RFX3: variants seen among roughly 807,000 people sequenced by gnomAD.
The protein encoded by RFX3 is transcription factor RFX3.
Under a neutral mutation model 98.6 loss-of-function variants are expected in RFX3, and 14 were observed. The observed-to-expected ratio is 0.14, with a 90% CI of 0.09 to 0.22. The LOEUF (loss-of-function observed/expected upper bound fraction) is 0.22. RFX3 is among the 10% of genes least tolerant of loss of function. RFX3 has a pLI of 1.00. For synonymous variants in RFX3, 383 were observed against 328.4 expected, an observed-to-expected ratio of 1.17 and a Z score of -1.80; for missense variants, 639 against 926.9, an observed-to-expected ratio of 0.69 and a Z score of 4.03.
rs894339432 is a variant in RFX3, at chr9:3,477,183, T to C, written c.-9+48564A>G. Among the ~76,000 whole-genome samples, 20 of 152,200 alleles carry C rather than the reference T, an allele frequency of 1.3e-4. 2 individuals are homozygous for C. The highest frequency in any genetic ancestry group is 3.2e-3 in the Middle Eastern group (1 of 316). On this transcript the variant is annotated intron_variant, in intron 1 of 16. Coordinates refer to ENST00000617270, the MANE Select transcript of RFX3 (RefSeq NM_001282116.2). ...CAATACAGAATCACAATTTATACTATACAAAAGACATGGATTTAGAGCCTA... is the reference window on the plus strand; with the variant it reads ...CAATACAGAATCACAATTTATACTACACAAAAGACATGGATTTAGAGCCTA...
chr9:3,458,161 G>A (rs747463156), intron 1 of RFX3, among the ~76,000 whole-genome samples: 7 of 152,160 alleles, frequency 4.6e-5, no homozygotes, highest in Non-Finnish European at 1.5e-5. Context: ...GGTGCATGAA[G>A]TGTAATTCCA....
At chr9:3,355,729 C>A (rs1314656004) in intron 2 of RFX3, among the ~76,000 whole-genome samples, 4 of 151,808 alleles carry the variant, frequency 2.6e-5, no homozygotes, top group Non-Finnish European at 4.4e-5. Flanking sequence ...AACAGCAGAA[C>A]AGGCATGCTC....
At chr9:3,235,194 A>G (rs1021226330) in intron 15 of RFX3, among the ~76,000 whole-genome samples, 1 of 152,200 alleles carries the variant, frequency 6.6e-6, no homozygotes, top group African/African-American at 2.4e-5. Context: ...CTAACGGGAC[A>G]TTTGCTCCAA....
At chr9:3,231,662 A>G (rs972262121) in intron 15 of RFX3, among the ~76,000 whole-genome samples, 2 of 152,096 alleles carry the variant, frequency 1.3e-5, no homozygotes, top group African/African-American at 4.8e-5. Context: ...CAAGTCAAGC[A>G]GCAGGAAGGA....
chr9:3,496,186 G>A (rs927398562), intron 1 of RFX3, among the ~76,000 whole-genome samples: 3 of 151,888 alleles, frequency 2.0e-5, no homozygotes, highest in Non-Finnish European at 2.9e-5. Context: ...TATTTAATAC[G>A]AGCCTCGTTG....
intron 2 of RFX3, among the ~76,000 whole-genome samples, chr9:3,377,229 T>C (rs1352580282): frequency 6.6e-6 from 1 of 152,054 alleles, no homozygotes; most frequent in African/African-American, 2.4e-5. Context: ...ATTAAGAAAA[T>C]GTGGCACATA....
In RFX3 at chr9:3,473,181, A is replaced by C. The variant is rs117549633; in HGVS notation, c.-9+52566T>G. ...TCTCCACACATAATTGGATTTCCCA[A>C]ATCAAAGTAGGCACTATAAGCCAGG... On this transcript the variant is annotated intron_variant, in intron 1 of 16. Coordinates refer to ENST00000617270, the MANE Select transcript of RFX3 (RefSeq NM_001282116.2). 3.0e-4 allele frequency among the ~76,000 whole-genome samples: 45 copies of C among 152,308 alleles called. 1 individual carries two copies. The highest frequency in any genetic ancestry group is 5.4e-4 in the Non-Finnish European group (37 of 68,024).
In RFX3 at chr9:3,432,778, G is replaced by A. The variant is rs529824395; in HGVS notation, c.-8-37182C>T. ...AGTTAAATTAGACAATATGGCAGAA[G>A]GGTTCCAATTACTCAAGATAGCTTT... On this transcript the variant is annotated intron_variant, in intron 1 of 16. Coordinates refer to ENST00000617270, the MANE Select transcript of RFX3 (RefSeq NM_001282116.2). Among the ~76,000 whole-genome samples, 4 of 152,240 alleles carry A rather than the reference G, an allele frequency of 2.6e-5. No individual in the cohort carries two copies. The South Asian group carries it at 8.3e-4, about 32-fold the overall frequency.
rs1252023599 is a variant in RFX3 at position 3,248,137 on chromosome 9, G to A, written c.1863C>T (p.Gly621=). ...AGAGTAGACGGATCAGGTGGAAGGA[G>A]CCAAAGCTAGCAGCACTGCGTAAGG... ...DLTLRSAASF[G]SFHLIRLLYD... is the part of the protein sequence containing the mutation. Residue 621 remains glycine (G), a synonymous_variant, in exon 15 of 17, where the codon GGC becomes GGT. Transcript: ENST00000617270. 1 of 1,613,576 alleles carries A rather than the reference G, an allele frequency of 6.2e-7. No homozygotes were observed. Among genetic ancestry groups the A allele is most frequent in the Non-Finnish European group, 8.5e-7 (1 of 1,179,848 alleles).
chr9:3,509,881 T>C (rs1817497620), intron 1 of RFX3, among the ~76,000 whole-genome samples: 1 of 151,964 alleles, frequency 6.6e-6, no homozygotes, highest in Admixed American at 6.6e-5. Context: ...ATTCTGATGT[T>C]CTATGTCATT....
At chr9:3,298,503 A>G (rs1488171088) in intron 5 of RFX3, among the ~76,000 whole-genome samples, 1 of 151,848 alleles carries the variant, frequency 6.6e-6, no homozygotes, top group Non-Finnish European at 1.5e-5. Context: ...TTTAGTGAGT[A>G]TCTACTATGT....
At chr9:3,378,240 G>A (rs891780543) in intron 2 of RFX3, among the ~76,000 whole-genome samples, 2 of 152,102 alleles carry the variant, frequency 1.3e-5, no homozygotes, top group Non-Finnish European at 2.9e-5. Context: ...AATTGGACAG[G>A]TACTCATTCT....
chr9:3,357,768 T>C (rs1042206171), intron 2 of RFX3, among the ~76,000 whole-genome samples: 5 of 152,048 alleles, frequency 3.3e-5, no homozygotes, highest in African/African-American at 1.2e-4. Context: ...CAAGAAAAGA[T>C]ACATGTTTGA....
At chr9:3,427,224 T>C (rs1377426052) in intron 1 of RFX3, among the ~76,000 whole-genome samples, 1 of 145,082 alleles carries the variant, frequency 6.9e-6, no homozygotes, top group Non-Finnish European at 1.5e-5. Context: ...AAATATATAA[T>C]ACAATATAAT....
chr9:3,233,883 T>G (rs1818800090), intron 15 of RFX3, among the ~76,000 whole-genome samples: 1 of 152,192 alleles, frequency 6.6e-6, no homozygotes, highest in African/African-American at 2.4e-5. Context: ...TGTTATTATG[T>G]ATAAATATCA....
intron 7 of RFX3, among the ~76,000 whole-genome samples, chr9:3,278,036 A>G (rs1167970589): frequency 6.6e-6 from 1 of 152,000 alleles, no homozygotes; most frequent in African/African-American, 2.4e-5. Context: ...GTAGCAAAAT[A>G]TATGCAAGAA....
At chr9:3,483,700 T>C (rs1850008350) in intron 1 of RFX3, among the ~76,000 whole-genome samples, 3 of 152,178 alleles carry the variant, frequency 2.0e-5, no homozygotes, top group African/African-American at 7.2e-5. Flanking sequence ...TCAGCAACTG[T>C]ATCAGTTGAA....
chr9:3,254,138 A>G (rs1421673527), intron 14 of RFX3, among the ~76,000 whole-genome samples: 1 of 152,174 alleles, frequency 6.6e-6, no homozygotes, highest in Non-Finnish European at 1.5e-5. Flanking sequence ...GTGATGATCT[A>G]CTGGGTTTGT....
chr9:3,355,838 C>G (rs1835684481), intron 2 of RFX3, among the ~76,000 whole-genome samples: 1 of 151,782 alleles, frequency 6.6e-6, no homozygotes. Context: ...AGAGCATGCT[C>G]TCTGACCAAA....
Sources: allele counts gnomAD v4.1 joint callset (sites outside exome capture counted in the v4.1 genomes callset), GRCh38; gene constraint gnomAD v4.1.1; transcripts MANE v1.5; gene names NCBI Gene and HGNC (gene_info 2026-07-23, HGNC 2026-07-21).